Variants in GSTA2 observed in about 807,000 individuals in gnomAD.
GSTA2 encodes the protein glutathione S-transferase alpha 2.
Under a neutral mutation model 22.4 loss-of-function variants are expected in GSTA2, and 27 were observed. The ratio of observed to expected loss-of-function variants is 1.21; its 90% CI spans 0.89 to 1.67. The LOEUF is 1.67. Ranked by LOEUF, GSTA2 falls within the 40% of genes most tolerant of loss-of-function variation. GSTA2 has a pLI of 0.00. For missense variants in GSTA2, 302 were observed against 260.2 expected, an observed-to-expected ratio of 1.16 and a Z score of -1.11; for synonymous variants, 121 against 86.8, an observed-to-expected ratio of 1.39 and a Z score of -2.19.
chr6:52,750,289 G>C lies in GSTA2; in HGVS notation c.*288C>G. 1 of 267,342 alleles carries C rather than the reference G, an allele frequency of 3.7e-6. No individual in the cohort carries two copies. Among genetic ancestry groups the C allele is most frequent in the Non-Finnish European group, 7.1e-6 (1 of 140,430 alleles). 16.6% of individuals were successfully genotyped at this position (267,342 alleles called of 1,614,324 possible). ...ATGTTACAGGGCAATTCTTGGAAAA[G>C]TCAAACAAACCACATAATTTATAGT... On this transcript the variant is annotated 3_prime_UTR_variant, in exon 7 of 7. Coordinates refer to ENST00000493422, the MANE Select transcript of GSTA2 (RefSeq NM_000846.5).
At chr6:52,763,366 C>T (rs1762985345) in intron 1 of GSTA2, 78 bp downstream of exon 1, 1 of 175,930 alleles carries the variant, frequency 5.7e-6, no homozygotes, top group Non-Finnish European at 1.2e-5. Flanking sequence ...GCTAAGGACA[C>T]ATATTAGTGT....
At chr6:52,759,559 A>ATTT (rs1561897333) in intron 1 of GSTA2, among the ~76,000 whole-genome samples, 9 of 30,888 alleles carry the variant, frequency 2.9e-4, no homozygotes, top group Admixed American at 3.5e-4. Flanking sequence ...TAATGTATTT[A>ATTT]TTTGTTTTTT....
chr6:52,750,643 G>C lies in GSTA2; in HGVS notation c.603C>G (p.Gly201=). The change falls in exon 7 of 7, where the codon GGC becomes GGG. Residue 201 remains glycine (G), a synonymous_variant. Transcript: ENST00000493422. ...CATCCATGGGAGGCTTCCTTGGGCTGCCAGGCTGTAGAAACTTCTTCACTG... is the reference window on the plus strand; with the variant it reads ...CATCCATGGGAGGCTTCCTTGGGCTCCCAGGCTGTAGAAACTTCTTCACTG... ...LPTVKKFLQP[G]SPRKPPMDEK... The C allele has an allele frequency of 6.2e-7, 1 of 1,613,542 alleles. No individual in the cohort carries two copies. The highest frequency in any genetic ancestry group is 8.5e-7 in the Non-Finnish European group (1 of 1,179,772).
intron 3 of GSTA2, 118 bp from the exon 4 acceptor site, chr6:52,755,193 G>C (rs1469615095): frequency 1.5e-6 from 2 of 1,343,364 alleles, no homozygotes; most frequent in East Asian, 4.7e-5. Context: ...ATTACTGCCT[G>C]GTAAGAGTTC....
chr6:52,754,551 G>A (rs1296466727), intron 4 of GSTA2, among the ~76,000 whole-genome samples: 4 of 152,128 alleles, frequency 2.6e-5, no homozygotes, highest in African/African-American at 7.2e-5. Flanking sequence ...TTTCTTTGCA[G>A]CTTTCCCTCC....
At chr6:52,754,029 C>T (rs1762794812) in intron 4 of GSTA2, among the ~76,000 whole-genome samples, 1 of 152,184 alleles carries the variant, frequency 6.6e-6, no homozygotes. Flanking sequence ...TATGGTTTAA[C>T]CATCTTGTAG....
intron 1 of GSTA2, among the ~76,000 whole-genome samples, chr6:52,758,596 T>C (rs1236310549): frequency 1.3e-5 from 2 of 152,152 alleles, no homozygotes; most frequent in African/African-American, 4.8e-5. Context: ...GCTAAATCAC[T>C]CTTCAGCTCT....
intron 2 of GSTA2, 25 bp downstream of exon 2, chr6:52,757,836 T>G: frequency 6.3e-7 from 1 of 1,593,204 alleles, no homozygotes. Context: ...AAATCTGACT[T>G]AAGATGACCT....
chr6:52,752,843 G>T lies in GSTA2; in HGVS notation c.414+11C>A, dbSNP rs2127285503. The T allele has an allele frequency of 1.2e-6, 2 of 1,613,486 alleles. No homozygotes were observed. Among genetic ancestry groups the T allele is most frequent in the Middle Eastern group, 1.7e-4 (1 of 6,054 alleles). ...ACTCAGTTCCCCAAAACACTGAACAGCTTCACTTACTTTTTCAAAGGCAGG... is the reference window on the plus strand; with the variant it reads ...ACTCAGTTCCCCAAAACACTGAACATCTTCACTTACTTTTTCAAAGGCAGG... On this transcript the variant is annotated intron_variant, in intron 5 of 6. Transcript: ENST00000493422.
intron 4 of GSTA2, among the ~76,000 whole-genome samples, chr6:52,753,581 C>A (rs1182399353): frequency 6.6e-6 from 1 of 152,250 alleles, no homozygotes; most frequent in African/African-American, 2.4e-5. Flanking sequence ...TTGCCCAACT[C>A]TAGCCATGTG....
At chr6:52,757,255 TA>T (rs1484542399) in intron 2 of GSTA2, among the ~76,000 whole-genome samples, 1 of 111,890 alleles carries the variant, frequency 8.9e-6, no homozygotes, top group Non-Finnish European at 1.8e-5. Flanking sequence ...TATGCATTTT[TA>T]TTTTTTTATT....
Position 52,755,083 on chromosome 6 carries a change from A to C in GSTA2, c.140-8T>G. ...GGAACATCAAATATCCATCTTTAAG[A>C]GGAAGAAAAAAAAGGAGAGTGAAGT... is the stretch of plus-strand genomic sequence containing the variant. On this transcript the variant is annotated splice_region_variant and splice_polypyrimidine_tract_variant and intron_variant, in intron 3 of 6. Coordinates refer to ENST00000493422, the MANE Select transcript of GSTA2 (RefSeq NM_000846.5). 6.2e-7 allele frequency: 1 copy of C among 1,614,012 alleles called. No individual in the cohort carries two copies. Among genetic ancestry groups the C allele is most frequent in the Non-Finnish European group, 8.5e-7 (1 of 1,179,992 alleles).
intron 5 of GSTA2, among the ~76,000 whole-genome samples, chr6:52,752,129 T>A (rs1162143249): frequency 1.3e-5 from 2 of 152,184 alleles, no homozygotes; most frequent in African/African-American, 4.8e-5. Flanking sequence ...GTGACAACAC[T>A]CTTCCCCCAG....
At chr6:52,760,706 G>A (rs1229040401) in intron 1 of GSTA2, among the ~76,000 whole-genome samples, 2 of 152,132 alleles carry the variant, frequency 1.3e-5, no homozygotes, top group Admixed American at 6.5e-5. Context: ...CCTATTCAAT[G>A]TATATTAGCC....
At chr6:52,753,586 C>T (rs1204868320) in intron 4 of GSTA2, among the ~76,000 whole-genome samples, 7 of 152,188 alleles carry the variant, frequency 4.6e-5, no homozygotes, top group Admixed American at 6.5e-5. Context: ...CAACTCTAGC[C>T]ATGTGTGCCT....
chr6:52,754,779 G>A (rs555655918), intron 4 of GSTA2, among the ~76,000 whole-genome samples, 164 bp downstream of exon 4: 1 of 152,244 alleles, frequency 6.6e-6, no homozygotes, highest in Admixed American at 6.5e-5. Flanking sequence ...CATGTTCACT[G>A]TTCCCTCATC....
At chr6:52,750,768 C>T (rs1037945154) in intron 6 of GSTA2, 69 bp from the exon 7 acceptor site, 4 of 1,576,236 alleles carry the variant, frequency 2.5e-6, no homozygotes. Flanking sequence ...TAACATGACC[C>T]AGGGAATCTG....
intron 3 of GSTA2, among the ~76,000 whole-genome samples, 194 bp from the exon 4 acceptor site, chr6:52,755,269 G>A (rs929316807): frequency 2.0e-5 from 3 of 150,024 alleles, no homozygotes; most frequent in African/African-American, 7.4e-5. Context: ...GGCTGGAGTG[G>A]AGTGGTGTGA....
chr6:52,759,563 GTTTTTTTTTTTTTTTTTT>G lies in GSTA2; in HGVS notation c.-30-1604_-30-1587del, dbSNP rs70977382. 1.7e-3 allele frequency among the ~76,000 whole-genome samples: 57 copies of G among 34,202 alleles called. 1 individual carries two copies. Among genetic ancestry groups the G allele is most frequent in the East Asian group, 3.5e-3 (4 of 1,134 alleles). The allele number at this position is 34,202 out of a possible 152,430, so 22.4% of individuals were successfully genotyped here. On this transcript the variant is annotated intron_variant, in intron 1 of 6. Coordinates refer to ENST00000493422, the MANE Select transcript of GSTA2 (RefSeq NM_000846.5). ...CCTTTAACAACTAATGTATTTATTT[GTTTTTTTTTTTTTTTTTT>G]TTTTTTTTTTTTTTTTTTTTGAGAC...
Sources: gnomAD v4.1 joint callset for allele counts (sites outside exome capture counted in the v4.1 genomes callset) on GRCh38, gnomAD v4.1.1 for gene constraint, MANE v1.5 for transcripts, NCBI Gene and HGNC (gene_info 2026-07-23, HGNC 2026-07-21) for gene names.